RBM10: variants seen among roughly 807,000 people sequenced by gnomAD.
RBM10 encodes RNA binding motif protein 10.
RBM10 carries 1 observed loss-of-function variant against 84.9 expected under a neutral mutation model. The ratio of observed to expected loss-of-function variants is 0.01; its 90% CI spans 0.00 to 0.06. The LOEUF is 0.06. Ranked by LOEUF, RBM10 falls within the 10% of genes least tolerant of loss-of-function variation. RBM10 has a pLI of 1.00. For synonymous variants in RBM10, 326 were observed against 344.5 expected (o/e 0.95, Z 0.60); for missense variants, 438 against 839.0 (o/e 0.52, Z 5.90).
chrX:47,178,593 G>A (rs1477533398), intron 7 of RBM10, among the ~76,000 whole-genome samples: 1 of 112,303 alleles, frequency 8.9e-6, no homozygotes, highest in African/African-American at 3.2e-5. Context: ...GAGATGGAGT[G>A]TGGTAGAAGC....
At chrX:47,156,475 T>C (rs1304740226) in intron 2 of RBM10, among the ~76,000 whole-genome samples, 1 of 111,665 alleles carries the variant, frequency 9.0e-6, no homozygotes, top group Non-Finnish European at 1.9e-5. Context: ...TTCTCTTCCA[T>C]CTTCCCCCAA....
chrX:47,155,674 A>G (rs368947148), intron 2 of RBM10, among the ~76,000 whole-genome samples: 1 of 95,774 alleles, frequency 1.0e-5, no homozygotes, highest in East Asian at 3.6e-4. Flanking sequence ...CGGAGCTTGC[A>G]GTGAGCCGAG....
At chrX:47,179,659 C>G in intron 9 of RBM10, 164 bp downstream of exon 9, 2 of 778,854 alleles carry the variant, frequency 2.6e-6, no homozygotes, top group Non-Finnish European at 3.7e-6. Context: ...AACATCCCAC[C>G]TGACTTTGGG....
At position 47,180,253 on chromosome X, in the gene RBM10, A is replaced by G. The variant is rs149109733; in HGVS notation, c.1104A>G (p.Pro368=). The G allele has an allele frequency of 1.2e-4, 139 of 1,202,756 alleles. No homozygotes were observed. In the African/African-American group the frequency reaches 2.1e-3, roughly 18 times the overall value. Reference sequence around the variant, plus strand: ...TGCAGATCCTGCAGGCCCTGCACCCACCACTCACTATCGACGGCAAGACCA... The same window carrying G: ...TGCAGATCCTGCAGGCCCTGCACCCGCCACTCACTATCGACGGCAAGACCA... ...QLLQILQALH[P]PLTIDGKTIN... is the part of the protein sequence containing the mutation. The change falls in exon 11 of 24, where the codon CCA becomes CCG. Residue 368 remains proline, a synonymous_variant. Coordinates refer to ENST00000377604, the MANE Select transcript of RBM10 (RefSeq NM_005676.5).
intron 4 of RBM10, among the ~76,000 whole-genome samples, 175 bp downstream of exon 4, chrX:47,171,433 C>T (rs145024403): frequency 0.011 from 1,275 of 112,602 alleles, 22 homozygotes; most frequent in African/African-American, 0.039. Context: ...ATCGGCCCCC[C>T]GGTCTGGAGG....
intron 4 of RBM10, among the ~76,000 whole-genome samples, chrX:47,172,301 A>T (rs781804999): frequency 1.8e-5 from 2 of 112,068 alleles, no homozygotes; most frequent in East Asian, 5.7e-4. Context: ...TGGAGTCCTG[A>T]TAAGCTCTTC....
chrX:47,157,571 G>A, intron 2 of RBM10: 3 of 451,194 alleles, frequency 6.6e-6, no homozygotes, highest in Non-Finnish European at 1.2e-5. Context: ...TGCAGGACTT[G>A]GAGCGGTCGA....
chrX:47,145,372 C>G lies in RBM10; in HGVS notation c.-239C>G. On this transcript the variant is annotated 5_prime_UTR_variant, in exon 1 of 24. Transcript: ENST00000377604. ...CCCCTCCCCCCGATCTGCCTCCAGT[C>G]TCGGACTTGGTTGTTGCGCGCTCCG... 9.4e-7 allele frequency: 1 copy of G among 1,066,414 alleles called. No homozygotes were observed. The highest frequency in any genetic ancestry group is 1.3e-6 in the Non-Finnish European group (1 of 791,556). 87.9% of individuals were successfully genotyped at this position (1,066,414 alleles called of 1,213,427 possible).
chrX:47,174,653 A>T (rs1934984440), intron 5 of RBM10, among the ~76,000 whole-genome samples: 1 of 110,030 alleles, frequency 9.1e-6, no homozygotes, highest in African/African-American at 3.3e-5. Flanking sequence ...CCTTCTTTGG[A>T]GGCAGATCTC....
intron 6 of RBM10, among the ~76,000 whole-genome samples, 176 bp from the exon 7 acceptor site, chrX:47,176,324 G>A (rs1213576785): frequency 1.8e-5 from 2 of 112,031 alleles, no homozygotes; most frequent in Non-Finnish European, 3.8e-5. Context: ...GCGCCCGAGA[G>A]CTGTGGCGCT....
In RBM10 at chrX:47,171,223, C is replaced by T. The variant is rs1934643311; in HGVS notation, c.397C>T (p.Leu133=). ...GGAGAAGGCCAGTAACATCGTCATGCTGAGGATGCTGCCACAGGCAGCCAC... is the reference window on the plus strand; with the variant it reads ...GGAGAAGGCCAGTAACATCGTCATGTTGAGGATGCTGCCACAGGCAGCCAC... ...EEEKASNIVM[L]RMLPQAATED... is the part of the protein sequence containing the mutation. The change falls in exon 4 of 24, where the codon CTG becomes TTG. Residue 133 remains leucine, a synonymous_variant. Coordinates refer to ENST00000377604, the MANE Select transcript of RBM10 (RefSeq NM_005676.5). The T allele has an allele frequency of 8.3e-7, 1 of 1,209,664 alleles. No homozygotes were observed. The highest frequency in any genetic ancestry group is 1.1e-6 in the Non-Finnish European group (1 of 894,935).
At chrX:47,155,039 C>T (rs1932978446) in intron 2 of RBM10, among the ~76,000 whole-genome samples, 2 of 104,051 alleles carry the variant, frequency 1.9e-5, no homozygotes, top group South Asian at 9.3e-4. Context: ...CCCAGCTACT[C>T]GGGAGGCTGA....
chrX:47,178,354 C>T (rs1935292239), intron 7 of RBM10, among the ~76,000 whole-genome samples: 1 of 111,683 alleles, frequency 9.0e-6, no homozygotes, highest in Admixed American at 9.5e-5. Flanking sequence ...CATCCCAGGT[C>T]AAACCTCCCT....
chrX:47,158,051 C>T, intron 2 of RBM10: 1 of 178,279 alleles, frequency 5.6e-6, no homozygotes, highest in South Asian at 9.0e-5. Flanking sequence ...GCTGGGATTA[C>T]AGGCGTGAGC....
In RBM10 at chrX:47,171,402, C is replaced by T. The variant is rs1934662210; in HGVS notation, c.432+144C>T. On this transcript the variant is annotated intron_variant, in intron 4 of 23. Transcript: ENST00000377604. ...CAGCTCCTATCCCCCAGCACTGATCCGTCCTCTGTGGGCAGGTCCCATCGG... is the reference window on the plus strand; with the variant it reads ...CAGCTCCTATCCCCCAGCACTGATCTGTCCTCTGTGGGCAGGTCCCATCGG... The T allele has an allele frequency of 5.1e-6, 5 of 975,160 alleles. No homozygotes were observed. The South Asian group carries it at 9.7e-5, about 19-fold the overall frequency. 80.4% of individuals were successfully genotyped at this position (975,160 alleles called of 1,213,427 possible). A position where few individuals can be genotyped will look rare whatever the true frequency, so the allele number is the denominator to read the frequency against.
intron 2 of RBM10, among the ~76,000 whole-genome samples, chrX:47,155,146 C>CA (rs782034292): frequency 0.071 from 1,905 of 26,843 alleles, 38 homozygotes; most frequent in South Asian, 0.11. Context: ...GACTCCCTCT[C>CA]AAAAAAAAAA....
chrX:47,181,794 A>G lies in RBM10; in HGVS notation c.1621A>G (p.Ser541Gly), dbSNP rs782045142. The G allele has an allele frequency of 8.3e-7, 1 of 1,211,398 alleles. No homozygotes were observed. Among genetic ancestry groups the G allele is most frequent in the Non-Finnish European group, 1.1e-6 (1 of 895,415 alleles). The part of the protein sequence containing the change: ...SPAVLKSELQ[S>G]PTHPSSALPP... The stretch of plus-strand genomic sequence containing the variant: ...CGCTGTGCTCAAATCTGAGCTCCAG[A>G]GCCCTACCCATCCTAGTTCTGCTCT... The change falls in exon 15 of 24, where the codon AGC becomes GGC. Residue 541 changes from serine (S) to glycine (G), a missense_variant. Physicochemically the swap from Ser to Gly is moderately conservative, Grantham distance 56. Coordinates refer to ENST00000377604, the MANE Select transcript of RBM10 (RefSeq NM_005676.5).
chrX:47,149,773 C>T (rs1453452667), intron 2 of RBM10, among the ~76,000 whole-genome samples: 1 of 111,236 alleles, frequency 9.0e-6, no homozygotes, highest in African/African-American at 3.3e-5. Context: ...TTAATACTTC[C>T]CCCAAGAGTA....
At chrX:47,154,090 G>T (rs372870518) in intron 2 of RBM10, among the ~76,000 whole-genome samples, 2 of 111,306 alleles carry the variant, frequency 1.8e-5, no homozygotes, top group African/African-American at 6.5e-5. Context: ...TCTGGAGCTG[G>T]TTTTTGATTA....
Sources: gnomAD v4.1 joint callset for allele counts (sites outside exome capture counted in the v4.1 genomes callset) on GRCh38, gnomAD v4.1.1 for gene constraint, MANE v1.5 for transcripts, NCBI Gene and HGNC (gene_info 2026-07-23, HGNC 2026-07-21) for gene names.